Variants in PTGS1 observed in about 807,000 individuals in gnomAD.
The protein encoded by PTGS1 is prostaglandin-endoperoxide synthase 1.
Under a neutral mutation model 63.0 loss-of-function variants are expected in PTGS1, and 40 were observed. That is an observed-to-expected ratio of 0.63 (90% CI 0.49 to 0.83). The LOEUF is 0.83. Ranked by LOEUF, PTGS1 falls within the 40% of genes least tolerant of loss-of-function variation. The probability of loss-of-function intolerance (pLI) is 0.00; values close to 1 mark genes in which losing one functional copy is unlikely to be tolerated. For missense variants in PTGS1, 709 were observed against 786.5 expected, an observed-to-expected ratio of 0.90 and a Z score of 1.18; for synonymous variants, 298 against 301.9, an observed-to-expected ratio of 0.99 and a Z score of 0.13.
intron 5 of PTGS1, among the ~76,000 whole-genome samples, chr9:122,380,893 A>T (rs1398074004): frequency 1.3e-5 from 2 of 152,232 alleles, no homozygotes; most frequent in Non-Finnish European, 2.9e-5. Flanking sequence ...ACAGCTAGCA[A>T]ATAGCATAGT....
intron 10 of PTGS1, among the ~76,000 whole-genome samples, chr9:122,391,243 ATATATATGAATAGAG>A (rs1838205486): frequency 6.8e-6 from 1 of 146,874 alleles, no homozygotes; most frequent in South Asian, 2.1e-4. Flanking sequence ...ATATATGAAT[ATATATATGAATAGAG>A]TATATATACA....
chr9:122,378,323 G>A (rs764989033), intron 3 of PTGS1, 110 bp from the exon 4 acceptor site: 8 of 1,459,086 alleles, frequency 5.5e-6, no homozygotes, highest in South Asian at 4.8e-5. Context: ...TTCCCCATAG[G>A]TGCTACTCTG....
chr9:122,378,342 TGG>T lies in PTGS1; in HGVS notation c.212-90_212-89del, dbSNP rs1837303332. 31 of 1,561,826 alleles carry T rather than the reference TGG, an allele frequency of 2.0e-5. No individual in the cohort carries two copies. The East Asian group carries it at 6.9e-4, about 35-fold the overall frequency. ...CCATAGGTGCTACTCTGTTCCACCC[TGG>T]CCCTTGTCCTCAGTGCCCCATCTTC... is the stretch of plus-strand genomic sequence containing the variant. On this transcript the variant is annotated intron_variant, in intron 3 of 10. Coordinates refer to ENST00000362012, the MANE Select transcript of PTGS1 (RefSeq NM_000962.4).
chr9:122,394,832 CTT>C lies in PTGS1; in HGVS notation c.*2290_*2291del, dbSNP rs1272913379. Reference sequence around the variant, plus strand: ...GCCTGGATCCCTGCCCTTCTCAAGACTTTAGCTTTTCCTTCCATCCGGTGGCC... The same window carrying C: ...GCCTGGATCCCTGCCCTTCTCAAGACTAGCTTTTCCTTCCATCCGGTGGCC... On this transcript the variant is annotated 3_prime_UTR_variant, in exon 11 of 11. Transcript: ENST00000362012. 6.6e-6 allele frequency: 1 copy of C among 152,240 alleles called. No individual in the cohort carries two copies. Among genetic ancestry groups the C allele is most frequent in the Non-Finnish European group, 1.5e-5 (1 of 68,098 alleles). The allele number at this position is 152,240 out of a possible 1,614,324, so 9.4% of individuals were successfully genotyped here. A position where few individuals can be genotyped will look rare whatever the true frequency, so the allele number is the denominator to read the frequency against.
intron 8 of PTGS1, 25 bp downstream of exon 8, chr9:122,383,780 C>T (rs760109801): frequency 1.1e-5 from 17 of 1,594,182 alleles, no homozygotes; most frequent in East Asian, 6.7e-5. Context: ...CCTGCCCTGC[C>T]CTGGAAGGTC....
chr9:122,370,698 T>C (rs1836748362), upstream of PTGS1: 1 of 422,552 alleles, frequency 2.4e-6, no homozygotes, highest in Non-Finnish European at 4.3e-6. Context: ...TGAGACCCTT[T>C]CTTCTCTGCG....
Position 122,371,224 on chromosome 9 carries a change from C to T in PTGS1, c.46C>T (p.Leu16Phe), listed in dbSNP as rs755456571. ...LLWFLLFLLL[L>F]PPLPVLLADP... is the part of the protein sequence containing the mutation. ...CTGGTTCTTGCTGTTCCTGCTCCTG[C>T]TCCCGCCGCTCCCCGTCCTGCTCGC... is the stretch of plus-strand genomic sequence containing the variant. The change falls in exon 2 of 11, where the codon CTC (leucine) becomes TTC (phenylalanine). Residue 16 changes from leucine (L) to phenylalanine (F), a missense_variant. Physicochemically the swap from Leu to Phe is conservative, Grantham distance 22 (BLOSUM62 0). Transcript: ENST00000362012. 1 of 1,607,544 alleles carries T rather than the reference C, an allele frequency of 6.2e-7. No individual in the cohort carries two copies. The highest frequency in any genetic ancestry group is 1.1e-5 in the South Asian group (1 of 91,086).
intron 5 of PTGS1, among the ~76,000 whole-genome samples, chr9:122,379,573 G>C (rs973245527): frequency 6.6e-6 from 1 of 152,144 alleles, no homozygotes; most frequent in Non-Finnish European, 1.5e-5. Flanking sequence ...GTGCTTTTTT[G>C]GGTTCAAAAC....
chr9:122,371,781 C>T (rs1836824531), intron 2 of PTGS1: 2 of 1,534,076 alleles, frequency 1.3e-6, no homozygotes, highest in Non-Finnish European at 1.7e-6. Context: ...AGCCGGGATG[C>T]TTCATCTGGG....
In PTGS1 at chr9:122,381,524, C is replaced by A. The variant is rs369988194; in HGVS notation, c.650C>A (p.Pro217His). The A allele has an allele frequency of 3.7e-6, 6 of 1,614,088 alleles. No individual in the cohort carries two copies. In the African/African-American group the frequency reaches 6.7e-5, roughly 18 times the overall value. The change falls in exon 6 of 11, where the codon CCT becomes CAT. Residue 217 changes from proline to histidine, a missense_variant. By Grantham distance (77) the Pro-to-His change is moderately conservative (BLOSUM62 -2). Coordinates refer to ENST00000362012, the MANE Select transcript of PTGS1 (RefSeq NM_000962.4). ...QFFKTSGKMG[P>H]GFTKALGHGV... ...TTCAAAACTTCTGGCAAGATGGGTC[C>A]TGGCTTCACCAAGGCCTTGGGCCAT...
Position 122,392,574 on chromosome 9 carries a change from G to C in PTGS1, c.*30G>C. 2 of 1,587,410 alleles carry C rather than the reference G, an allele frequency of 1.3e-6. No individual in the cohort carries two copies. The highest frequency in any genetic ancestry group is 1.7e-6 in the Non-Finnish European group (2 of 1,161,780). On this transcript the variant is annotated 3_prime_UTR_variant, in exon 11 of 11. Transcript: ENST00000362012. ...CAGGAAAGCAGCATTCTGGAGGGGA[G>C]AGCTTTGTGCTTGTCATTCCAGAGT...
At chr9:122,384,884 GGCACTGTGCCA>G (rs1269211195) in intron 8 of PTGS1, among the ~76,000 whole-genome samples, 3 of 152,166 alleles carry the variant, frequency 2.0e-5, no homozygotes, top group Non-Finnish European at 4.4e-5. Context: ...TCTTATGCCA[GGCACTGTGCCA>G]GCAGTTTTGC....
intron 8 of PTGS1, among the ~76,000 whole-genome samples, chr9:122,385,466 T>C (rs1792468040): frequency 1.3e-5 from 2 of 151,438 alleles, no homozygotes; most frequent in Non-Finnish European, 2.9e-5. Context: ...TTTCTTTCAA[T>C]ATCTAGTTGC....
rs1235555836 is a variant in PTGS1, at chr9:122,378,441, T to G, written c.220T>G (p.Trp74Gly). ...SGPNCTIPGLWTWLRNSLRPS... is the reference protein window; with the variant it reads ...SGPNCTIPGLGTWLRNSLRPS... The stretch of plus-strand genomic sequence containing the variant: ...TGCCATTGCCCCTGCAGCTGGCCTG[T>G]GGACCTGGCTCCGGAATTCACTGCG... Residue 74 changes from tryptophan (W) to glycine (G), a missense_variant, in exon 4 of 11, where the codon TGG becomes GGG. Physicochemically the swap from Trp to Gly is radical, Grantham distance 184. Transcript: ENST00000362012. 1.9e-6 allele frequency: 3 copies of G among 1,613,806 alleles called. No individual in the cohort carries two copies. Among genetic ancestry groups the G allele is most frequent in the Non-Finnish European group, 2.5e-6 (3 of 1,180,046 alleles).
chr9:122,390,078 A>G (rs1353962863), intron 9 of PTGS1, 120 bp from the exon 10 acceptor site: 44 of 1,239,306 alleles, frequency 3.6e-5, no homozygotes, highest in East Asian at 2.6e-5. Flanking sequence ...AGGCTGCCCA[A>G]CACTCTCCAT....
intron 2 of PTGS1, among the ~76,000 whole-genome samples, chr9:122,373,283 G>A (rs1193922360): frequency 6.6e-6 from 1 of 152,206 alleles, no homozygotes; most frequent in Non-Finnish European, 1.5e-5. Flanking sequence ...GAGTGCAGGG[G>A]CAGAAGGTCT....
intron 10 of PTGS1, 21 bp downstream of exon 10, chr9:122,390,366 T>G (rs1168472714): frequency 6.2e-7 from 1 of 1,612,452 alleles, no homozygotes; most frequent in African/African-American, 1.3e-5. Flanking sequence ...GTTTCCTGGA[T>G]GCAGTCCCTG....
At chr9:122,391,374 T>TATATATATACATATATATATAC (rs1564147313) in intron 10 of PTGS1, among the ~76,000 whole-genome samples, 4 of 81,460 alleles carry the variant, frequency 4.9e-5, no homozygotes, top group Middle Eastern at 5.7e-3. Context: ...TATATATACA[T>TATATATATACATATATATATAC]ATATATATAT....
At chr9:122,391,230 C>T (rs1032555245) in intron 10 of PTGS1, among the ~76,000 whole-genome samples, 3 of 146,252 alleles carry the variant, frequency 2.1e-5, no homozygotes, top group African/African-American at 7.5e-5. Context: ...AGTATATATA[C>T]ATATATATGA....
Sources: gnomAD v4.1 joint callset for allele counts (sites outside exome capture counted in the v4.1 genomes callset) on GRCh38, gnomAD v4.1.1 for gene constraint, MANE v1.5 for transcripts, NCBI Gene and HGNC (gene_info 2026-07-23, HGNC 2026-07-21) for gene names.